DPYD: variants seen among roughly 807,000 people sequenced by gnomAD.
DPYD encodes dihydropyrimidine dehydrogenase, also known as dihydropyrimidine dehydrogenase [NADP(+)].
A neutral mutation model predicts 116.2 loss-of-function variants in DPYD; 109 were observed. The observed-to-expected ratio is 0.94, with a 90% CI of 0.80 to 1.10. The LOEUF is 1.10. Among genes scored for constraint, DPYD ranks in the 50% least tolerant of loss-of-function variants. DPYD has a pLI of 0.00. For synonymous variants in DPYD, 440 were observed against 432.0 expected (o/e 1.02, Z -0.23); for missense variants, 1,302 against 1,254.5 (o/e 1.04, Z -0.57).
At chr1:97,773,731 G>C (rs1273724236) in intron 3 of DPYD, among the ~76,000 whole-genome samples, 1 of 152,162 alleles carries the variant, frequency 6.6e-6, no homozygotes, top group African/African-American at 2.4e-5. Context: ...GGTTGGAGAA[G>C]AGCCCAGCCA....
At chr1:97,728,126 T>C (rs1475196211) in intron 4 of DPYD, among the ~76,000 whole-genome samples, 2 of 151,978 alleles carry the variant, frequency 1.3e-5, no homozygotes, top group Non-Finnish European at 2.9e-5. Flanking sequence ...AGATATTTTA[T>C]GTACAAAACA....
intron 8 of DPYD, among the ~76,000 whole-genome samples, chr1:97,620,987 T>C (rs569218376): frequency 3.9e-5 from 6 of 152,302 alleles, no homozygotes; most frequent in Non-Finnish European, 7.4e-5. Context: ...ATCAGCATAT[T>C]TGTACATATA....
intron 10 of DPYD, among the ~76,000 whole-genome samples, chr1:97,583,957 T>G (rs1266973454): frequency 6.6e-6 from 1 of 152,274 alleles, no homozygotes; most frequent in Non-Finnish European, 1.5e-5. Context: ...TCAAATGGTA[T>G]TTCTAGTTCT....
At chr1:97,462,034 G>A (rs1570771714) in intron 13 of DPYD, among the ~76,000 whole-genome samples, 1 of 152,106 alleles carries the variant, frequency 6.6e-6, no homozygotes, top group African/African-American at 2.4e-5. Context: ...AGACAATCAT[G>A]TTATACCTGA....
In DPYD at chr1:97,870,915, CG is replaced by C. The variant is rs532097058; in HGVS notation, c.150+12348del. Among the ~76,000 whole-genome samples the C allele has an allele frequency of 5.5e-3, 832 of 151,904 alleles. 3 individuals are homozygous for C. Among genetic ancestry groups the C allele is most frequent in the Middle Eastern group, 0.017 (5 of 294 alleles). On this transcript the variant is annotated intron_variant, in intron 2 of 22. Transcript: ENST00000370192. The stretch of plus-strand genomic sequence containing the variant: ...ACCGATTAGTGTTTGAATAGGGGAA[CG>C]ATTAGAAAGACAGCTGCCATTGTAT...
At chr1:97,667,884 G>T (rs78593303) in intron 8 of DPYD, among the ~76,000 whole-genome samples, 1,990 of 152,108 alleles carry the variant, frequency 0.013, 20 homozygotes, top group Middle Eastern at 0.024. Flanking sequence ...TCTTAAAAAA[G>T]AATAAAATTG....
At position 97,320,989 on chromosome 1, in the gene DPYD, T is replaced by C. The variant is rs1332670266; in HGVS notation, c.2059-14692A>G. Among the ~76,000 whole-genome samples the C allele has an allele frequency of 1.5e-4, 13 of 86,282 alleles. 1 individual carries two copies. The East Asian group carries it at 2.2e-3, about 15-fold the overall frequency. 56.6% of individuals were successfully genotyped at this position (86,282 alleles called of 152,430 possible). Reference sequence around the variant, plus strand: ...AGAAAAACAAGCAATGGGGAAAGGATTCCCTATTTAATAAATGGTGCTGGG... The same window carrying C: ...AGAAAAACAAGCAATGGGGAAAGGACTCCCTATTTAATAAATGGTGCTGGG... On this transcript the variant is annotated intron_variant, in intron 16 of 22. Transcript: ENST00000370192.
intron 20 of DPYD, among the ~76,000 whole-genome samples, chr1:97,186,879 A>G (rs1034887426): frequency 2.6e-5 from 4 of 152,136 alleles, no homozygotes; most frequent in African/African-American, 9.6e-5. Flanking sequence ...TTAAAAAAAT[A>G]AAAAAGAAAA....
chr1:97,770,149 T>C (rs904094676), intron 3 of DPYD, among the ~76,000 whole-genome samples: 5 of 152,230 alleles, frequency 3.3e-5, no homozygotes, highest in Non-Finnish European at 5.9e-5. Context: ...AACTGCAACC[T>C]GCCTAAGTTT....
intron 14 of DPYD, among the ~76,000 whole-genome samples, chr1:97,410,234 T>G (rs1404203896): frequency 6.6e-6 from 1 of 152,178 alleles, no homozygotes; most frequent in Non-Finnish European, 1.5e-5. Context: ...AGTGAGAATC[T>G]TTGTTTTGGA....
At chr1:97,573,374 C>A (rs1389972417) in intron 11 of DPYD, among the ~76,000 whole-genome samples, 1 of 152,020 alleles carries the variant, frequency 6.6e-6, no homozygotes, top group East Asian at 1.9e-4. Flanking sequence ...CTATTTTTGG[C>A]CATTCATTAG....
chr1:97,628,836 A>T (rs1047257117), intron 8 of DPYD, among the ~76,000 whole-genome samples: 1 of 152,070 alleles, frequency 6.6e-6, no homozygotes, highest in African/African-American at 2.4e-5. Flanking sequence ...ATATGAATGT[A>T]TGACCATGCT....
At chr1:97,455,873 T>C (rs1370019766) in intron 13 of DPYD, among the ~76,000 whole-genome samples, 1 of 151,958 alleles carries the variant, frequency 6.6e-6, no homozygotes, top group Admixed American at 6.6e-5. Flanking sequence ...TAGTAGCTTA[T>C]ATAACGACAG....
intron 21 of DPYD, among the ~76,000 whole-genome samples, chr1:97,087,444 T>C (rs1257077030): frequency 6.6e-6 from 1 of 152,050 alleles, no homozygotes; most frequent in African/African-American, 2.4e-5. Context: ...CAAAGTATGA[T>C]CCAGAAAATG....
chr1:97,857,558 T>TAC (rs1057324256), intron 2 of DPYD, among the ~76,000 whole-genome samples: 1 of 152,170 alleles, frequency 6.6e-6, no homozygotes, highest in African/African-American at 2.4e-5. Context: ...AGAGAGCTTC[T>TAC]ACATAGCTGA....
intron 11 of DPYD, among the ~76,000 whole-genome samples, chr1:97,565,961 T>C (rs1278997716): frequency 3.3e-5 from 5 of 152,202 alleles, no homozygotes; most frequent in Non-Finnish European, 5.9e-5. Context: ...TAAAGACATA[T>C]ATTTTTTACA....
At chr1:97,616,146 T>C (rs80095050) in intron 8 of DPYD, among the ~76,000 whole-genome samples, 3 of 138,686 alleles carry the variant, frequency 2.2e-5, no homozygotes, top group Non-Finnish European at 4.7e-5. Context: ...TAAATGATTT[T>C]TTTTTTTGTC....
At chr1:97,353,763 GGTA>G (rs1288838779) in intron 16 of DPYD, among the ~76,000 whole-genome samples, 2 of 151,644 alleles carry the variant, frequency 1.3e-5, no homozygotes, top group Admixed American at 1.3e-4. Context: ...TGGACTTTTC[GGTA>G]GTATTTATAT....
chr1:97,789,705 CT>C (rs1001302327), intron 3 of DPYD, among the ~76,000 whole-genome samples: 1 of 152,008 alleles, frequency 6.6e-6, no homozygotes, highest in African/African-American at 2.4e-5. Context: ...TCATAATTTT[CT>C]CAAAAGCAGT....
Sources: gnomAD v4.1 joint callset for allele counts (sites outside exome capture counted in the v4.1 genomes callset) on GRCh38, gnomAD v4.1.1 for gene constraint, MANE v1.5 for transcripts, NCBI Gene and HGNC (gene_info 2026-07-23, HGNC 2026-07-21) for gene names.